NUP107: variants seen among roughly 807,000 people sequenced by gnomAD.
NUP107 encodes nuclear pore complex protein Nup107.
A neutral mutation model predicts 141.0 loss-of-function variants in NUP107; 101 were observed. That is an observed-to-expected ratio of 0.72 (90% confidence interval 0.61 to 0.84). The LOEUF is 0.84. Among genes scored for constraint, NUP107 ranks in the 40% least tolerant of loss-of-function variants. NUP107 has a pLI of 0.00. For synonymous variants in NUP107, 319 were observed against 363.9 expected, an observed-to-expected ratio of 0.88 and a Z score of 1.41; for missense variants, 941 against 1,102.7, an observed-to-expected ratio of 0.85 and a Z score of 2.08.
chr12:68,718,881 TG>T (rs1226711400), intron 12 of NUP107, among the ~76,000 whole-genome samples: 5 of 151,970 alleles, frequency 3.3e-5, no homozygotes, highest in African/African-American at 1.2e-4. Context: ...TATGTATGTA[TG>T]TATGTATGTA....
chr12:68,709,244 A>G lies in NUP107; in HGVS notation c.736A>G (p.Asn246Asp). 6.3e-7 allele frequency: 1 copy of G among 1,591,986 alleles called. No individual in the cohort carries two copies. The highest frequency in any genetic ancestry group is 8.6e-7 in the Non-Finnish European group (1 of 1,166,046). ...TTAATATTTTTCATAATAGGCTGTT[A>G]ATGCCAGTGAAAAAACAGTTGTGGA... ...EESVFAVTAV[N>D]ASEKTVVEAL... The change falls in exon 9 of 28, where the codon AAT becomes GAT. Residue 246 changes from asparagine (N) to aspartate (D), a missense_variant. Asn to Asp is a conservative substitution (Grantham distance 23). Coordinates refer to ENST00000229179, the MANE Select transcript of NUP107 (RefSeq NM_020401.4).
rs1878409572 is a variant in NUP107, at chr12:68,743,692, C to G, written c.*1230C>G. Reference sequence around the variant, plus strand: ...GATTCTAATAGAAAACAGTAATTCCCCAAACTTGCTAATCATCTAAGGAAT... The same window carrying G: ...GATTCTAATAGAAAACAGTAATTCCGCAAACTTGCTAATCATCTAAGGAAT... On this transcript the variant is annotated 3_prime_UTR_variant, in exon 28 of 28. Coordinates refer to ENST00000229179, the MANE Select transcript of NUP107 (RefSeq NM_020401.4). 6.6e-6 allele frequency: 1 copy of G among 152,124 alleles called. No individual in the cohort carries two copies. The highest frequency in any genetic ancestry group is 6.6e-5 in the Admixed American group (1 of 15,266). The allele number at this position is 152,124 out of a possible 1,614,324, so 9.4% of individuals were successfully genotyped here. A position where few individuals can be genotyped will look rare whatever the true frequency, so the allele number is the denominator to read the frequency against.
At chr12:68,696,455 G>A (rs552360807) in intron 5 of NUP107, among the ~76,000 whole-genome samples, 1 of 152,200 alleles carries the variant, frequency 6.6e-6, no homozygotes, top group African/African-American at 2.4e-5. Context: ...GCTCACGCCT[G>A]TAATGCCAGC....
At position 68,745,077 on chromosome 12, in the gene NUP107, C is replaced by T. The variant is rs984928416; in HGVS notation, c.*2615C>T. 1 of 152,088 alleles carries T rather than the reference C, an allele frequency of 6.6e-6. No individual in the cohort carries two copies. The highest frequency in any genetic ancestry group is 1.5e-5 in the Non-Finnish European group (1 of 68,026). The allele number at this position is 152,088 out of a possible 1,614,324, so 9.4% of individuals were successfully genotyped here. On this transcript the variant is annotated 3_prime_UTR_variant, in exon 28 of 28. Transcript: ENST00000229179. ...GGGTGTGAAAGTTTTAATTTCCCTA[C>T]CTCATTTATTTATTTAATTTAGAGA...
At chr12:68,731,368 A>C in intron 21 of NUP107, 108 bp downstream of exon 21, 1 of 1,118,636 alleles carries the variant, frequency 8.9e-7, no homozygotes, top group Non-Finnish European at 1.2e-6. Flanking sequence ...GTTGAGGGGA[A>C]AAGAGGAATA....
intron 8 of NUP107, among the ~76,000 whole-genome samples, chr12:68,703,674 C>A (rs976149079): frequency 6.6e-6 from 1 of 152,126 alleles, no homozygotes; most frequent in African/African-American, 2.4e-5. Context: ...TGGTCTCGAT[C>A]TCCTGACCTT....
chr12:68,720,302 T>C (rs1039569589), intron 14 of NUP107, among the ~76,000 whole-genome samples: 2 of 152,308 alleles, frequency 1.3e-5, no homozygotes, highest in Non-Finnish European at 2.9e-5. Flanking sequence ...TATGGCACTT[T>C]ACCTTGAAAA....
chr12:68,725,516 T>C (rs1333692186), intron 17 of NUP107, among the ~76,000 whole-genome samples: 1 of 152,226 alleles, frequency 6.6e-6, no homozygotes, highest in Non-Finnish European at 1.5e-5. Context: ...CAAAGATGCT[T>C]TTCAGTTCTG....
chr12:68,719,184 C>T (rs973503768), intron 12 of NUP107, among the ~76,000 whole-genome samples, 157 bp from the exon 13 acceptor site: 18 of 152,180 alleles, frequency 1.2e-4, no homozygotes, highest in African/African-American at 4.3e-4. Flanking sequence ...CCACCACGCC[C>T]AGCCAGAATT....
At chr12:68,728,378 G>A (rs1877659134) in intron 20 of NUP107, among the ~76,000 whole-genome samples, 1 of 149,564 alleles carries the variant, frequency 6.7e-6, no homozygotes, top group African/African-American at 2.5e-5. Context: ...GATCGCTTGA[G>A]CCCAGGAGTT....
chr12:68,724,495 A>G (rs1877477116), intron 17 of NUP107, among the ~76,000 whole-genome samples: 1 of 152,102 alleles, frequency 6.6e-6, no homozygotes. Context: ...AAAAAGAACA[A>G]TCTGGGTTTG....
chr12:68,690,569 C>T, intron 3 of NUP107, 62 bp from the exon 4 acceptor site: 1 of 1,605,644 alleles, frequency 6.2e-7, no homozygotes, highest in Non-Finnish European at 8.5e-7. Flanking sequence ...TGTTTGCTTA[C>T]TTTGTTTTGA....
intron 5 of NUP107, among the ~76,000 whole-genome samples, chr12:68,693,725 G>C (rs540479499): frequency 6.6e-6 from 1 of 152,116 alleles, no homozygotes; most frequent in Non-Finnish European, 1.5e-5. Flanking sequence ...CCTCACCTTG[G>C]TTCTCAGTCT....
Position 68,718,494 on chromosome 12 carries a change from A to G in NUP107, c.1084-847A>G, listed in dbSNP as rs148921089. Among the ~76,000 whole-genome samples, 384 of 152,322 alleles carry G rather than the reference A, an allele frequency of 2.5e-3. 2 individuals carry two copies. Among genetic ancestry groups the G allele is most frequent in the African/African-American group, 9.0e-3 (374 of 41,578 alleles). On this transcript the variant is annotated intron_variant, in intron 12 of 27. Transcript: ENST00000229179. ...TGAGCAGTAACAACCTTGTCATTAGAGACTGTTTTTTTAATAGTTTTTCAT... is the reference window on the plus strand; with the variant it reads ...TGAGCAGTAACAACCTTGTCATTAGGGACTGTTTTTTTAATAGTTTTTCAT...
chr12:68,705,039 T>C (rs535279489), intron 8 of NUP107, among the ~76,000 whole-genome samples: 2 of 152,068 alleles, frequency 1.3e-5, no homozygotes, highest in Admixed American at 1.3e-4. Context: ...TGTACCACCA[T>C]GCCTGGCTAA....
intron 4 of NUP107, among the ~76,000 whole-genome samples, chr12:68,690,953 G>A (rs999762415): frequency 2.0e-5 from 3 of 152,010 alleles, no homozygotes; most frequent in African/African-American, 2.4e-5. Flanking sequence ...GGTGGCTTAT[G>A]CCTGTAATCC....
chr12:68,717,239 G>A (rs541623019), intron 12 of NUP107, among the ~76,000 whole-genome samples: 2 of 152,150 alleles, frequency 1.3e-5, no homozygotes, highest in African/African-American at 4.8e-5. Context: ...TCATATTATT[G>A]AAGGCTCAAA....
At chr12:68,691,820 C>A (rs1875800523) in intron 4 of NUP107, 148 bp from the exon 5 acceptor site, 2 of 639,380 alleles carry the variant, frequency 3.1e-6, no homozygotes, top group Non-Finnish European at 4.9e-6. Flanking sequence ...GGCAACAGAT[C>A]CAGACCTTAT....
Position 68,731,675 on chromosome 12 carries a change from A to G in NUP107, c.1954A>G (p.Ser652Gly). Residue 652 changes from serine to glycine, a missense_variant, in exon 22 of 28, where the codon AGT becomes GGT. By Grantham distance (56) the Ser-to-Gly change is moderately conservative (BLOSUM62 0). Coordinates refer to ENST00000229179, the MANE Select transcript of NUP107 (RefSeq NM_020401.4). ...TCGAAAGAAAGATAATGGTGAATTT[A>G]GTCATCATGACCTGGCCCCAGCCCT... ...NIRKKDNGEF[S>G]HHDLAPALDT... 3.1e-6 allele frequency: 5 copies of G among 1,589,248 alleles called. No individual in the cohort carries two copies. The highest frequency in any genetic ancestry group is 4.3e-6 in the Non-Finnish European group (5 of 1,173,288).
Sources: allele counts gnomAD v4.1 joint callset (sites outside exome capture counted in the v4.1 genomes callset), GRCh38; gene constraint gnomAD v4.1.1; transcripts MANE v1.5; gene names NCBI Gene and HGNC (gene_info 2026-07-23, HGNC 2026-07-21).